Variants in DAPK1 observed in about 807,000 individuals in gnomAD.
DAPK1 encodes death-associated protein kinase 1.
In DAPK1, 56 loss-of-function variants were observed where a neutral mutation model predicts 144.9. The ratio of observed to expected loss-of-function variants is 0.39; its 90% CI spans 0.31 to 0.48. The LOEUF (loss-of-function observed/expected upper bound fraction) is 0.48, where lower values mean the gene tolerates loss of function less well. DAPK1 is among the 20% of genes least tolerant of loss of function. The pLI is 0.95. For missense variants in DAPK1, 1,454 were observed against 1,875.4 expected, an observed-to-expected ratio of 0.78 and a Z score of 4.15; for synonymous variants, 690 against 749.0, an observed-to-expected ratio of 0.92 and a Z score of 1.29.
chr9:87,669,764 A>AG (rs5899010), intron 19 of DAPK1, among the ~76,000 whole-genome samples: 64,212 of 151,072 alleles, frequency 0.43, 15,738 homozygotes, highest in South Asian at 0.56. Context: ...TGCCAGGGGC[A>AG]GGGGGGGGCC....
chr9:87,688,481 A>G (rs1258126329), intron 21 of DAPK1, among the ~76,000 whole-genome samples: 1 of 152,100 alleles, frequency 6.6e-6, no homozygotes, highest in East Asian at 1.9e-4. Flanking sequence ...TGGGTCAAAC[A>G]GTAGTTTTAA....
chr9:87,706,203 C>G lies in DAPK1; in HGVS notation c.3132C>G (p.Val1044=), dbSNP rs752538418. The G allele has an allele frequency of 3.1e-6, 5 of 1,613,042 alleles. No individual in the cohort carries two copies. The South Asian group carries it at 5.5e-5, about 18-fold the overall frequency. Residue 1044 remains valine (V), a synonymous_variant, in exon 26 of 26, where the codon GTC becomes GTG. Transcript: ENST00000408954. This position sits in a 1 kb window ranked among gnomAD's most constrained non-coding sequence, Gnocchi z 9.0. Reference sequence around the variant, plus strand: ...ACCCCCGCTGGCTCTGCACAAACGTCCTGGGGAAGTTGCTGTCCGTGGAGA... The same window carrying G: ...ACCCCCGCTGGCTCTGCACAAACGTGCTGGGGAAGTTGCTGTCCGTGGAGA... ...LLDPRWLCTN[V]LGKLLSVETP... is the part of the protein sequence containing the mutation.
intron 2 of DAPK1, among the ~76,000 whole-genome samples, chr9:87,559,200 G>T (rs1826820194): frequency 6.6e-6 from 1 of 152,158 alleles, no homozygotes; most frequent in Admixed American, 6.5e-5. Flanking sequence ...TACAAATGAA[G>T]AAATTAAGGT....
intron 2 of DAPK1, 68 bp downstream of exon 2, chr9:87,499,207 G>C (rs888049192): frequency 2.3e-6 from 3 of 1,321,658 alleles, no homozygotes; most frequent in African/African-American, 2.9e-5. Flanking sequence ...CCATTGGGTG[G>C]TAAACAAATG....
chr9:87,697,258 C>T (rs1171538166), intron 22 of DAPK1, 54 bp downstream of exon 22: 2 of 816,482 alleles, frequency 2.4e-6, no homozygotes, highest in Non-Finnish European at 4.3e-6. Context: ...GGCCAGGAAT[C>T]GCCTCCTCCT....
intron 18 of DAPK1, among the ~76,000 whole-genome samples, chr9:87,662,951 C>A (rs1183391063): frequency 1.3e-5 from 2 of 152,014 alleles, no homozygotes; most frequent in Admixed American, 1.3e-4. Context: ...CAAGCTGAGT[C>A]AAGGCCTAGG....
At chr9:87,703,435 G>A (rs182942774) in intron 25 of DAPK1, among the ~76,000 whole-genome samples, 5 of 151,544 alleles carry the variant, frequency 3.3e-5, no homozygotes, top group Non-Finnish European at 7.4e-5. Flanking sequence ...TTGTCTTGTC[G>A]TGTTTTGCTT....
intron 2 of DAPK1, among the ~76,000 whole-genome samples, chr9:87,529,407 C>T (rs62562128): frequency 0.026 from 4,013 of 152,194 alleles, 74 homozygotes; most frequent in Middle Eastern, 0.048. Flanking sequence ...GTATTTCTAA[C>T]GTGATCTTAC....
chr9:87,651,946 C>T (rs1403143622), intron 17 of DAPK1, among the ~76,000 whole-genome samples: 1 of 117,592 alleles, frequency 8.5e-6, no homozygotes, highest in Non-Finnish European at 1.8e-5. Flanking sequence ...CACCTGATCC[C>T]GGGTCCTGAT....
At chr9:87,587,504 C>T (rs1827976269) in intron 2 of DAPK1, among the ~76,000 whole-genome samples, 1 of 152,126 alleles carries the variant, frequency 6.6e-6, no homozygotes, top group African/African-American at 2.4e-5. Flanking sequence ...TTCTGTGGCT[C>T]TCCAAGAGAT....
chr9:87,523,239 A>G (rs1056463695), intron 2 of DAPK1, among the ~76,000 whole-genome samples: 1 of 152,200 alleles, frequency 6.6e-6, no homozygotes, highest in Non-Finnish European at 1.5e-5. Context: ...AGTCGGATTT[A>G]TCAAATTCGT....
At chr9:87,517,164 C>G (rs2378745) in intron 2 of DAPK1, among the ~76,000 whole-genome samples, 92,760 of 151,742 alleles carry the variant, frequency 0.61, 28,710 homozygotes, top group South Asian at 0.83. Context: ...GGAGGACAGA[C>G]AGATGGGACA....
At chr9:87,637,283 G>C (rs6560007) in intron 3 of DAPK1, among the ~76,000 whole-genome samples, 7,327 of 151,636 alleles carry the variant, frequency 0.048, 587 homozygotes, top group African/African-American at 0.17. Flanking sequence ...TAGTAGAGAC[G>C]GTGTTTCTCC....
intron 2 of DAPK1, among the ~76,000 whole-genome samples, chr9:87,602,821 A>G (rs1323743277): frequency 6.6e-6 from 1 of 152,034 alleles, no homozygotes; most frequent in African/African-American, 2.4e-5. Context: ...TTTAGTAGAG[A>G]CGGGGTTTCA....
intron 2 of DAPK1, among the ~76,000 whole-genome samples, chr9:87,585,588 A>G (rs993174256): frequency 2.0e-5 from 3 of 152,266 alleles, no homozygotes; most frequent in Admixed American, 6.5e-5. Context: ...TAAGGTGAAC[A>G]GTCATACCTT....
At chr9:87,632,984 A>C (rs1564033159) in intron 3 of DAPK1, 1 of 978,734 alleles carries the variant, frequency 1.0e-6, no homozygotes, top group African/African-American at 1.8e-5. Context: ...GTAGAAATGA[A>C]GGGAGATGAG....
chr9:87,690,215 TCACC>T (rs1392136979), intron 21 of DAPK1, among the ~76,000 whole-genome samples: 38 of 152,276 alleles, frequency 2.5e-4, no homozygotes, highest in African/African-American at 6.3e-4. Context: ...TAGGGGTCTT[TCACC>T]TCTTTGGTTA....
At chr9:87,682,698 T>C (rs1271821830) in intron 20 of DAPK1, among the ~76,000 whole-genome samples, 2 of 152,222 alleles carry the variant, frequency 1.3e-5, no homozygotes, top group African/African-American at 4.8e-5. Flanking sequence ...CATATGTCAA[T>C]ATTTATAGAG....
chr9:87,634,994 G>A (rs1418650276), intron 3 of DAPK1, among the ~76,000 whole-genome samples: 4 of 152,172 alleles, frequency 2.6e-5, no homozygotes, highest in Non-Finnish European at 4.4e-5. Flanking sequence ...GGATGACTCC[G>A]TAAGCTATGA....
Sources: gnomAD v4.1 joint callset for allele counts (sites outside exome capture counted in the v4.1 genomes callset) on GRCh38, gnomAD v4.1.1 for gene constraint, Gnocchi (gnomAD v3.1) non-coding constraint, MANE v1.5 for transcripts, NCBI Gene and HGNC (gene_info 2026-07-23, HGNC 2026-07-21) for gene names.